AKR1C8: variants seen among roughly 807,000 people sequenced by gnomAD.
AKR1C8 encodes the protein aldo-keto reductase family 1 member C8.
the AKR1C8 span, among the ~76,000 whole-genome samples, chr10:5,141,738 G>A: frequency 2.6e-5 from 4 of 152,068 alleles, no homozygotes; most frequent in Admixed American, 6.6e-5. Context: ...TTTTTGAGCA[G>A]GTTTCAACTT....
chr10:5,141,425 T>C, the AKR1C8 span, among the ~76,000 whole-genome samples: 2 of 152,174 alleles, frequency 1.3e-5, no homozygotes, highest in African/African-American at 2.4e-5. Flanking sequence ...CATTTTCTTA[T>C]GAATTTCTTA....
At chr10:5,178,925 T>C in the AKR1C8 span, among the ~76,000 whole-genome samples, 1 of 152,228 alleles carries the variant, frequency 6.6e-6, no homozygotes, top group Non-Finnish European at 1.5e-5. Context: ...GTCTTGACTC[T>C]TTATCCAATT....
the AKR1C8 span, among the ~76,000 whole-genome samples, chr10:5,121,407 T>G: frequency 3.7e-4 from 56 of 152,182 alleles, no homozygotes; most frequent in Non-Finnish European, 7.2e-4. Context: ...TCACTAGCAC[T>G]GAGGGTCTAT....
the AKR1C8 span, among the ~76,000 whole-genome samples, chr10:5,130,115 A>G: frequency 6.6e-6 from 1 of 152,058 alleles, no homozygotes; most frequent in Non-Finnish European, 1.5e-5. Flanking sequence ...ATGGTATAAC[A>G]TAGGCAAGTC....
the AKR1C8 span, among the ~76,000 whole-genome samples, chr10:5,174,643 G>C: frequency 1.1e-4 from 17 of 151,722 alleles, no homozygotes; most frequent in Middle Eastern, 0.01. Flanking sequence ...CAACTTACCA[G>C]GTTTTACACT....
chr10:5,173,913 C>T, the AKR1C8 span, among the ~76,000 whole-genome samples: 1 of 152,006 alleles, frequency 6.6e-6, no homozygotes, highest in Non-Finnish European at 1.5e-5. Context: ...GTCTTACCAC[C>T]CTTAATACCT....
chr10:5,146,855 A>C, the AKR1C8 span, among the ~76,000 whole-genome samples: 1 of 152,162 alleles, frequency 6.6e-6, no homozygotes, highest in African/African-American at 2.4e-5. Context: ...AAGCTTTGTC[A>C]CTAATGGTAT....
At chr10:5,182,523 T>TG in the AKR1C8 span, among the ~76,000 whole-genome samples, 1 of 152,158 alleles carries the variant, frequency 6.6e-6, no homozygotes, top group Non-Finnish European at 1.5e-5. Flanking sequence ...TACAAACCCA[T>TG]GACTAGACTC....
At chr10:5,163,890 C>A in the AKR1C8 span, among the ~76,000 whole-genome samples, 1 of 152,098 alleles carries the variant, frequency 6.6e-6, no homozygotes, top group Non-Finnish European at 1.5e-5. Context: ...TAAGACATAC[C>A]CATAACTACA....
the AKR1C8 span, among the ~76,000 whole-genome samples, chr10:5,130,495 T>G: frequency 6.6e-6 from 1 of 151,906 alleles, no homozygotes; most frequent in African/African-American, 2.4e-5. Flanking sequence ...TATTGCTGTT[T>G]GCCAATAATA....
At chr10:5,180,266 G>A in the AKR1C8 span, among the ~76,000 whole-genome samples, 77 of 152,288 alleles carry the variant, frequency 5.1e-4, no homozygotes, top group Non-Finnish European at 8.4e-4. Context: ...CTGGGTATCC[G>A]CAGCAGAGAT....
the AKR1C8 span, among the ~76,000 whole-genome samples, chr10:5,176,986 T>C: frequency 6.6e-6 from 1 of 152,062 alleles, no homozygotes. Flanking sequence ...TCCTGCCTAA[T>C]TGCCCTGGCC....
the AKR1C8 span, among the ~76,000 whole-genome samples, chr10:5,132,113 T>C: frequency 2.6e-5 from 4 of 152,098 alleles, no homozygotes; most frequent in African/African-American, 9.7e-5. Context: ...CACTTATAAG[T>C]GGGAACTAAG....
At chr10:5,122,046 C>T in the AKR1C8 span, 1 of 258,902 alleles carries the variant, frequency 3.9e-6, no homozygotes, top group Admixed American at 5.1e-5. Context: ...TTTGTGCATC[C>T]TGCAGAAAAT....
the AKR1C8 span, among the ~76,000 whole-genome samples, chr10:5,139,043 C>T: frequency 9.9e-5 from 15 of 152,138 alleles, no homozygotes; most frequent in African/African-American, 2.2e-4. Flanking sequence ...CATGAGTGAA[C>T]TCCCATTCAC....
the AKR1C8 span, among the ~76,000 whole-genome samples, chr10:5,165,543 G>T: frequency 2.0e-5 from 3 of 152,210 alleles, no homozygotes; most frequent in Admixed American, 2.0e-4. Flanking sequence ...CAATCAGAAA[G>T]AAACTTCCCT....
the AKR1C8 span, among the ~76,000 whole-genome samples, chr10:5,157,206 C>G: frequency 1.4e-4 from 5 of 35,932 alleles, no homozygotes; most frequent in Non-Finnish European, 2.7e-4. Context: ...CAGAGTCATG[C>G]CAGGCCAGGG....
At chr10:5,143,024 G>A in the AKR1C8 span, among the ~76,000 whole-genome samples, 29 of 152,160 alleles carry the variant, frequency 1.9e-4, no homozygotes, top group African/African-American at 3.9e-4. Context: ...AAGTGTAACC[G>A]TTAATTTTAG....
the AKR1C8 span, among the ~76,000 whole-genome samples, chr10:5,178,192 T>G: frequency 3.8e-3 from 585 of 152,308 alleles, 4 homozygotes; most frequent in Middle Eastern, 6.8e-3. Context: ...TTTGTTCTCA[T>G]TGGTTTCAAA....
Sources: allele counts gnomAD v4.1 joint callset (sites outside exome capture counted in the v4.1 genomes callset), GRCh38; gene constraint gnomAD v4.1.1; transcripts MANE v1.5; gene names NCBI Gene and HGNC (gene_info 2026-07-23, HGNC 2026-07-21).